CNTNAP2: variants seen among roughly 807,000 people sequenced by gnomAD.
The protein encoded by CNTNAP2 is contactin associated protein 2.
CNTNAP2 carries 98 observed loss-of-function variants against 155.2 expected under a neutral mutation model. That is an observed-to-expected ratio of 0.63 (90% CI 0.54 to 0.75). The LOEUF (loss-of-function observed/expected upper bound fraction) is 0.75, where lower values mean the gene tolerates loss of function less well. CNTNAP2 is among the 30% of genes least tolerant of loss of function. CNTNAP2 has a pLI of 0.00. For synonymous variants in CNTNAP2, 651 were observed against 631.2 expected (o/e 1.03, Z -0.47); for missense variants, 1,727 against 1,688.1 (o/e 1.02, Z -0.40).
At chr7:147,045,439 A>G (rs1445456404) in intron 4 of CNTNAP2, among the ~76,000 whole-genome samples, 2 of 152,326 alleles carry the variant, frequency 1.3e-5, no homozygotes, top group Admixed American at 6.5e-5. Flanking sequence ...CATAGGCAAT[A>G]GTGTTATGTG....
In CNTNAP2 at chr7:147,542,735, A is replaced by AT. The variant is rs1799663244; in HGVS notation, c.1778-19400dup. ...GCTAAGGGAAAGTTGAGATCCATAAATTTGTGTTTAGTGACAATATTTATG... is the reference window on the plus strand; with the variant it reads ...GCTAAGGGAAAGTTGAGATCCATAAATTTTGTGTTTAGTGACAATATTTATG... On this transcript the variant is annotated intron_variant, in intron 11 of 23. Coordinates refer to ENST00000361727, the MANE Select transcript of CNTNAP2 (RefSeq NM_014141.6). 1.3e-5 allele frequency among the ~76,000 whole-genome samples: 2 copies of AT among 152,136 alleles called. 1 individual carries two copies. Among genetic ancestry groups the AT allele is most frequent in the South Asian group, 4.1e-4 (2 of 4,824 alleles).
Position 147,395,720 on chromosome 7 carries a change from C to T in CNTNAP2, c.1610C>T (p.Ala537Val), listed in dbSNP as rs1462976869. 4.3e-6 allele frequency: 7 copies of T among 1,612,538 alleles called. No homozygotes were observed. The highest frequency in any genetic ancestry group is 1.7e-5 in the Admixed American group (1 of 59,894). ...CAACTTGTAAATTTATACGAAGTGG[C>T]ACAAAGGAAGCCGGGAAGTTTCGCG... Reference protein sequence around the residue: ...DDQLVNLYEVAQRKPGSFANV... With the variant: ...DDQLVNLYEVVQRKPGSFANV... The change falls in exon 10 of 24, where the codon GCA (alanine) becomes GTA (valine). Residue 537 changes from alanine (A) to valine (V), a missense_variant. Physicochemically the swap from Ala to Val is moderately conservative, Grantham distance 64 (BLOSUM62 0). Coordinates refer to ENST00000361727, the MANE Select transcript of CNTNAP2 (RefSeq NM_014141.6).
intron 18 of CNTNAP2, among the ~76,000 whole-genome samples, chr7:148,173,419 CT>C (rs1364299650): frequency 6.6e-6 from 1 of 152,182 alleles, no homozygotes; most frequent in African/African-American, 2.4e-5. Context: ...CATAAGTAGC[CT>C]GTTCAGACTC....
chr7:146,606,849 G>T (rs1225031371), intron 1 of CNTNAP2, among the ~76,000 whole-genome samples: 1 of 152,144 alleles, frequency 6.6e-6, no homozygotes, highest in Non-Finnish European at 1.5e-5. Context: ...GTCGGTGAGT[G>T]TCCCTGATGT....
At chr7:147,823,983 C>G (rs1798404923) in intron 13 of CNTNAP2, among the ~76,000 whole-genome samples, 1 of 152,138 alleles carries the variant, frequency 6.6e-6, no homozygotes, top group Admixed American at 6.6e-5. Context: ...TTTGTGTTGT[C>G]TTTCTAGCAG....
intron 15 of CNTNAP2, among the ~76,000 whole-genome samples, chr7:148,022,687 T>C (rs1056120888): frequency 2.7e-5 from 4 of 147,648 alleles, no homozygotes; most frequent in African/African-American, 7.4e-5. Flanking sequence ...TGGAGTGTTT[T>C]AGTTTGCTTT....
intron 18 of CNTNAP2, among the ~76,000 whole-genome samples, chr7:148,198,583 T>C (rs58572035): frequency 0.037 from 5,651 of 152,270 alleles, 367 homozygotes; most frequent in African/African-American, 0.13. Context: ...TCCCAGCAAG[T>C]GGTAGCCACC....
chr7:146,779,202 G>A (rs539668972), intron 2 of CNTNAP2, among the ~76,000 whole-genome samples: 1 of 151,964 alleles, frequency 6.6e-6, no homozygotes, highest in Non-Finnish European at 1.5e-5. Context: ...AGTTCTAATG[G>A]TCACCTCCCC....
At chr7:146,875,091 T>A (rs1795392805) in intron 3 of CNTNAP2, among the ~76,000 whole-genome samples, 1 of 152,160 alleles carries the variant, frequency 6.6e-6, no homozygotes, top group Non-Finnish European at 1.5e-5. Flanking sequence ...TAACTAAGAA[T>A]ATATTGACAT....
At chr7:146,735,532 G>T (rs1393187233) in intron 1 of CNTNAP2, among the ~76,000 whole-genome samples, 2 of 152,082 alleles carry the variant, frequency 1.3e-5, no homozygotes, top group Non-Finnish European at 2.9e-5. Context: ...TCCAGCCTGG[G>T]CAACAGAGCA....
intron 1 of CNTNAP2, among the ~76,000 whole-genome samples, chr7:146,576,050 ATC>A (rs1406503842): frequency 3.3e-5 from 5 of 152,264 alleles, no homozygotes; most frequent in East Asian, 1.9e-4. Flanking sequence ...AGCAACCAAC[ATC>A]TGTTTGTAAT....
At chr7:147,200,116 G>A (rs1802892983) in intron 8 of CNTNAP2, among the ~76,000 whole-genome samples, 1 of 150,740 alleles carries the variant, frequency 6.6e-6, no homozygotes, top group African/African-American at 2.4e-5. Flanking sequence ...CTTCCCTCTG[G>A]CACCTGGTGT....
At chr7:147,807,275 G>A (rs533586042) in intron 13 of CNTNAP2, among the ~76,000 whole-genome samples, 1 of 136,028 alleles carries the variant, frequency 7.4e-6, no homozygotes, top group African/African-American at 2.8e-5. Context: ...GTGAGCCATG[G>A]TTACTTCACT....
At chr7:147,573,841 A>T (rs1800341138) in intron 12 of CNTNAP2, among the ~76,000 whole-genome samples, 1 of 152,094 alleles carries the variant, frequency 6.6e-6, no homozygotes, top group Non-Finnish European at 1.5e-5. Flanking sequence ...TGTCTTCTTC[A>T]TTTTAATTTT....
At chr7:146,332,614 A>G (rs1324795501) in intron 1 of CNTNAP2, among the ~76,000 whole-genome samples, 2 of 152,200 alleles carry the variant, frequency 1.3e-5, no homozygotes, top group African/African-American at 4.8e-5. Context: ...AGAAATTTCC[A>G]AATAGAAAGC....
intron 1 of CNTNAP2, among the ~76,000 whole-genome samples, chr7:146,452,596 A>G (rs1299035237): frequency 6.6e-6 from 1 of 152,220 alleles, no homozygotes; most frequent in Non-Finnish European, 1.5e-5. Context: ...GTTATCAGAT[A>G]TTCAATCGCC....
At chr7:146,163,796 A>G (rs922232284) in intron 1 of CNTNAP2, among the ~76,000 whole-genome samples, 1 of 151,966 alleles carries the variant, frequency 6.6e-6, no homozygotes, top group African/African-American at 2.4e-5. Flanking sequence ...GGCAGACAAA[A>G]GAAAGAGATC....
chr7:146,642,222 T>C (rs1047431866), intron 1 of CNTNAP2, among the ~76,000 whole-genome samples: 1 of 151,964 alleles, frequency 6.6e-6, no homozygotes, highest in Non-Finnish European at 1.5e-5. Flanking sequence ...GTTAGTTACA[T>C]ATGTATACAT....
At chr7:146,934,786 TA>T (rs1316792848) in intron 3 of CNTNAP2, among the ~76,000 whole-genome samples, 2 of 152,138 alleles carry the variant, frequency 1.3e-5, no homozygotes, top group African/African-American at 4.8e-5. Context: ...TTACATTAAA[TA>T]TATAATCAGT....
Sources: allele counts gnomAD v4.1 joint callset (sites outside exome capture counted in the v4.1 genomes callset), GRCh38; gene constraint gnomAD v4.1.1; transcripts MANE v1.5; gene names NCBI Gene and HGNC (gene_info 2026-07-23, HGNC 2026-07-21).